The following IRAG1 variants were observed in gnomAD, a reference collection of about 807,000 sequenced individuals.
The protein encoded by IRAG1 is IP3R-associated cGMP kinase substrate.
IRAG1 carries 62 observed loss-of-function variants against 106.2 expected under a neutral mutation model. That is an observed-to-expected ratio of 0.58 (90% CI 0.48 to 0.72). The LOEUF is 0.72. IRAG1 is among the 30% of genes least tolerant of loss of function. The pLI, the probability that IRAG1 is intolerant of heterozygous loss-of-function variation, is 0.00. For synonymous variants in IRAG1, 462 were observed against 443.9 expected, an observed-to-expected ratio of 1.04 and a Z score of -0.51; for missense variants, 1,064 against 1,140.7, an observed-to-expected ratio of 0.93 and a Z score of 0.97.
At position 10,581,925 on chromosome 11, in the gene IRAG1, G is replaced by A. The variant is rs1851432926; in HGVS notation, c.2302C>T (p.Leu768=). The change falls in exon 19 of 21, where the codon CTG becomes TTG. Residue 768 remains leucine, a synonymous_variant. Coordinates refer to ENST00000423302, the MANE Select transcript of IRAG1 (RefSeq NM_130385.4). ...ASAPALTLSC[L]EELSQETKAR... Reference sequence around the variant, plus strand: ...TTGGTCTCCTGACTAAGCTCCTCCAGGCAGCTCAGGGTCAGCGCAGGAGCA... The same window carrying A: ...TTGGTCTCCTGACTAAGCTCCTCCAAGCAGCTCAGGGTCAGCGCAGGAGCA... The A allele has an allele frequency of 6.2e-7, 1 of 1,613,890 alleles. No individual in the cohort carries two copies. Among genetic ancestry groups the A allele is most frequent in the Non-Finnish European group, 8.5e-7 (1 of 1,179,838 alleles).
chr11:10,658,055 C>G (rs1859063703), intron 1 of IRAG1, among the ~76,000 whole-genome samples: 1 of 152,232 alleles, frequency 6.6e-6, no homozygotes, highest in Non-Finnish European at 1.5e-5. Flanking sequence ...TCGGCAGTGA[C>G]TCGTCATTGT....
At chr11:10,576,863 C>G (rs985543927) in intron 20 of IRAG1, among the ~76,000 whole-genome samples, 4 of 152,200 alleles carry the variant, frequency 2.6e-5, no homozygotes, top group Non-Finnish European at 1.5e-5. Context: ...GATCATTCTA[C>G]TTAATTGTTT....
At chr11:10,602,127 C>T (rs561151987) in intron 14 of IRAG1, among the ~76,000 whole-genome samples, 1 of 152,318 alleles carries the variant, frequency 6.6e-6, no homozygotes, top group Admixed American at 6.5e-5. Flanking sequence ...TGTTGCTGCT[C>T]CCAGCTGGAG....
At chr11:10,653,983 C>T (rs1858729030) in intron 1 of IRAG1, among the ~76,000 whole-genome samples, 1 of 152,172 alleles carries the variant, frequency 6.6e-6, no homozygotes, top group Non-Finnish European at 1.5e-5. Context: ...AGTGAGGTGA[C>T]CTTTGGCTGA....
intron 1 of IRAG1, among the ~76,000 whole-genome samples, chr11:10,670,332 T>C (rs554140732): frequency 6.6e-6 from 1 of 152,342 alleles, no homozygotes; most frequent in East Asian, 1.9e-4. Flanking sequence ...TGTCTGAGTC[T>C]AATGGCTGGT....
chr11:10,597,522 T>C (rs549948171), intron 15 of IRAG1, among the ~76,000 whole-genome samples: 1 of 152,138 alleles, frequency 6.6e-6, no homozygotes, highest in South Asian at 2.1e-4. Flanking sequence ...TTTGTGGAGA[T>C]AGGGTCTCAC....
intron 1 of IRAG1, among the ~76,000 whole-genome samples, chr11:10,653,314 T>C (rs1858671237): frequency 6.6e-6 from 1 of 152,216 alleles, no homozygotes; most frequent in South Asian, 2.1e-4. Flanking sequence ...GCCTGAACAC[T>C]TTCTGGACTA....
chr11:10,684,417 T>C (rs1030343857), intron 1 of IRAG1, among the ~76,000 whole-genome samples: 25 of 150,832 alleles, frequency 1.7e-4, no homozygotes, highest in Non-Finnish European at 3.1e-4. Flanking sequence ...TGAGAACACA[T>C]GGACACAGGA....
At chr11:10,616,767 A>G (rs1429298970) in intron 10 of IRAG1, among the ~76,000 whole-genome samples, 2 of 152,154 alleles carry the variant, frequency 1.3e-5, no homozygotes, top group African/African-American at 4.8e-5. Flanking sequence ...ATTAGTGGGG[A>G]AGGAGGTGTT....
chr11:10,626,412 G>A lies in IRAG1; in HGVS notation c.922C>T (p.Pro308Ser). 2.5e-6 allele frequency: 4 copies of A among 1,613,976 alleles called. No homozygotes were observed. The highest frequency in any genetic ancestry group is 3.4e-6 in the Non-Finnish European group (4 of 1,179,884). The change falls in exon 9 of 21, where the codon CCT (proline) becomes TCT (serine). Residue 308 changes from proline (P) to serine (S), a missense_variant. Transcript: ENST00000423302. ...YPETTPKGLA[P>S]VTNSSGKMAL... ...ATTTTCCCACTGCTGTTTGTAACAG[G>A]AGCTAGGCCTTTGGGTGTGGTCTCG...
chr11:10,614,479 G>T (rs1370266329), intron 10 of IRAG1, among the ~76,000 whole-genome samples: 2 of 152,180 alleles, frequency 1.3e-5, no homozygotes, highest in Non-Finnish European at 2.9e-5. Flanking sequence ...AGCCTGCATT[G>T]CCAAGACAAT....
chr11:10,582,718 G>T (rs1040737614), intron 18 of IRAG1, among the ~76,000 whole-genome samples: 1 of 152,166 alleles, frequency 6.6e-6, no homozygotes, highest in African/African-American at 2.4e-5. Context: ...CACTTTGGGA[G>T]GCCAAGGCGG....
chr11:10,672,531 C>T (rs1389162783), intron 1 of IRAG1, among the ~76,000 whole-genome samples: 1 of 152,162 alleles, frequency 6.6e-6, no homozygotes, highest in East Asian at 1.9e-4. Flanking sequence ...ATACACATGT[C>T]TCCAAAGAAT....
At chr11:10,648,357 C>CT (rs1427214409) in intron 2 of IRAG1, among the ~76,000 whole-genome samples, 1 of 152,190 alleles carries the variant, frequency 6.6e-6, no homozygotes, top group Non-Finnish European at 1.5e-5. Flanking sequence ...AAGCAAGACT[C>CT]TGTCTCAAAA....
intron 1 of IRAG1, among the ~76,000 whole-genome samples, chr11:10,684,203 A>C (rs1168393680): frequency 6.6e-6 from 1 of 152,206 alleles, no homozygotes; most frequent in Admixed American, 6.5e-5. Context: ...ACTTGGAATC[A>C]ACCCAAATGT....
At chr11:10,595,035 G>A (rs889682738) in intron 15 of IRAG1, among the ~76,000 whole-genome samples, 1 of 152,094 alleles carries the variant, frequency 6.6e-6, no homozygotes, top group Admixed American at 6.5e-5. Flanking sequence ...TGTGATTCTC[G>A]TGCCTCAGCC....
At chr11:10,672,026 T>C (rs539389793) in intron 1 of IRAG1, among the ~76,000 whole-genome samples, 60 of 152,314 alleles carry the variant, frequency 3.9e-4, no homozygotes, top group African/African-American at 1.4e-3. Context: ...TGCAACAGAC[T>C]TGAGAGTTCA....
chr11:10,620,964 G>T (rs1223029099), intron 10 of IRAG1, among the ~76,000 whole-genome samples: 1 of 152,102 alleles, frequency 6.6e-6, no homozygotes, highest in South Asian at 2.1e-4. Context: ...AAATTGCTGA[G>T]TATAAAATAA....
chr11:10,648,580 G>A (rs1250514741), intron 2 of IRAG1, among the ~76,000 whole-genome samples: 3 of 152,190 alleles, frequency 2.0e-5, no homozygotes, highest in African/African-American at 7.2e-5. Context: ...GGTCCCCTCA[G>A]GTCCCAGGCT....
Sources: allele counts gnomAD v4.1 joint callset (sites outside exome capture counted in the v4.1 genomes callset), GRCh38; gene constraint gnomAD v4.1.1; transcripts MANE v1.5; gene names NCBI Gene and HGNC (gene_info 2026-07-23, HGNC 2026-07-21).